CAPN9: variants seen among roughly 807,000 people sequenced by gnomAD.
CAPN9 encodes the protein calpain 9.
In CAPN9, 81 loss-of-function variants were observed where a neutral mutation model predicts 92.8. The observed-to-expected ratio is 0.87, with a 90% CI of 0.73 to 1.05. The LOEUF (loss-of-function observed/expected upper bound fraction) is 1.05, where lower values mean the gene tolerates loss of function less well. CAPN9 is among the 50% of genes least tolerant of loss of function. CAPN9 has a pLI of 0.00. For missense variants in CAPN9, 848 were observed against 866.2 expected, an observed-to-expected ratio of 0.98 and a Z score of 0.26; for synonymous variants, 304 against 328.0, an observed-to-expected ratio of 0.93 and a Z score of 0.79.
intron 18 of CAPN9, among the ~76,000 whole-genome samples, chr1:230,797,412 C>T (rs965226106): frequency 3.3e-5 from 5 of 152,142 alleles, no homozygotes; most frequent in Admixed American, 6.5e-5. Flanking sequence ...CTCTAGTGCC[C>T]GGTTCATGCC....
Position 230,801,621 on chromosome 1 carries a change from G to T in CAPN9, c.*25G>T. 2 of 1,608,248 alleles carry T rather than the reference G, an allele frequency of 1.2e-6. No homozygotes were observed. The highest frequency in any genetic ancestry group is 1.7e-6 in the Non-Finnish European group (2 of 1,174,664). ...AGGCTGCCTTGTAGAGATGCAGCCT[G>T]CCCAGCTGAATCTTGGCTTCTGGAC... On this transcript the variant is annotated 3_prime_UTR_variant, in exon 20 of 20. Transcript: ENST00000271971.
rs377396940 is a variant in CAPN9 at position 230,778,800 on chromosome 1, C to T, written c.954-173C>T. ...TTAGCCTGGTTTTTACCTTTTTAAC[C>T]TTTATTTTACTTTTAAAAAATTTTC... On this transcript the variant is annotated intron_variant, in intron 8 of 19. Coordinates refer to ENST00000271971, the MANE Select transcript of CAPN9 (RefSeq NM_006615.3). Among the ~76,000 whole-genome samples the T allele has an allele frequency of 7.9e-5, 12 of 152,286 alleles. No homozygotes were observed. The South Asian group carries it at 2.5e-3, about 32-fold the overall frequency.
At chr1:230,769,542 T>C (rs1666240342) in intron 6 of CAPN9, among the ~76,000 whole-genome samples, 1 of 152,244 alleles carries the variant, frequency 6.6e-6, no homozygotes, top group Non-Finnish European at 1.5e-5. Context: ...CAGTCCTGTG[T>C]TAGTCAGGAT....
chr1:230,795,950 G>T (rs1428902348), intron 18 of CAPN9, among the ~76,000 whole-genome samples: 1 of 151,510 alleles, frequency 6.6e-6, no homozygotes, highest in Non-Finnish European at 1.5e-5. Context: ...GGAGCAGGGG[G>T]CCCCGCATTT....
At chr1:230,770,281 G>A (rs1179744196) in intron 6 of CAPN9, among the ~76,000 whole-genome samples, 1 of 152,208 alleles carries the variant, frequency 6.6e-6, no homozygotes, top group East Asian at 1.9e-4. Context: ...GGGCAGGAGA[G>A]ACGGATGTCC....
At chr1:230,793,223 A>G (rs1572092209) in intron 17 of CAPN9, among the ~76,000 whole-genome samples, 1 of 152,202 alleles carries the variant, frequency 6.6e-6, no homozygotes, top group Non-Finnish European at 1.5e-5. Context: ...GCCTCTGACC[A>G]TGTTTTCTGG....
intron 6 of CAPN9, among the ~76,000 whole-genome samples, chr1:230,770,613 A>G (rs1657629984): frequency 6.6e-6 from 1 of 152,170 alleles, no homozygotes; most frequent in Non-Finnish European, 1.5e-5. Context: ...CCCTGACTTC[A>G]AGGGAGCTGT....
intron 9 of CAPN9, among the ~76,000 whole-genome samples, chr1:230,779,737 A>G (rs187729231): frequency 6.7e-4 from 102 of 152,328 alleles, no homozygotes; most frequent in African/African-American, 2.3e-3. Flanking sequence ...GGCACAGACC[A>G]ATCAGAATTC....
At chr1:230,795,771 G>A (rs1351133370) in intron 18 of CAPN9, among the ~76,000 whole-genome samples, 2 of 152,132 alleles carry the variant, frequency 1.3e-5, no homozygotes, top group African/African-American at 4.8e-5. Flanking sequence ...CCTCAAAGGT[G>A]GTTTTGAAGG....
intron 17 of CAPN9, among the ~76,000 whole-genome samples, chr1:230,794,313 C>T (rs1438031739): frequency 6.6e-6 from 1 of 151,992 alleles, no homozygotes; most frequent in Non-Finnish European, 1.5e-5. Flanking sequence ...GAAACCCCGC[C>T]TCTACTAAAA....
At position 230,774,714 on chromosome 1, in the gene CAPN9, C is replaced by A. The variant is rs1177844872; in HGVS notation, c.953+83C>A. ...CGTAAGGAGCACTGTGCTTCTCTCT[C>A]GCTTTCCTTTTTCTTTCTTTCTTTC... On this transcript the variant is annotated intron_variant, in intron 8 of 19. Coordinates refer to ENST00000271971, the MANE Select transcript of CAPN9 (RefSeq NM_006615.3). The A allele has an allele frequency of 1.0e-5, 8 of 796,116 alleles. No individual in the cohort carries two copies. In the African/African-American group the frequency reaches 1.1e-4, roughly 11 times the overall value. The allele number at this position is 796,116 out of a possible 1,614,324, so 49.3% of individuals were successfully genotyped here. A position where few individuals can be genotyped will look rare whatever the true frequency, so the allele number is the denominator to read the frequency against.
chr1:230,760,758 G>A (rs895048933), intron 3 of CAPN9, among the ~76,000 whole-genome samples: 11 of 151,978 alleles, frequency 7.2e-5, no homozygotes, highest in African/African-American at 2.4e-4. Context: ...GTTTGATGGC[G>A]CCCCCAGGAG....
intron 7 of CAPN9, among the ~76,000 whole-genome samples, chr1:230,774,336 A>G (rs1374308065): frequency 6.6e-6 from 1 of 152,228 alleles, no homozygotes; most frequent in Non-Finnish European, 1.5e-5. Flanking sequence ...TATTTTATCC[A>G]TCAGCAACAC....
chr1:230,774,523 C>G, intron 7 of CAPN9, 31 bp from the exon 8 acceptor site: 1 of 1,500,570 alleles, frequency 6.7e-7, no homozygotes, highest in Non-Finnish European at 9.3e-7. Context: ...ATCATGACCT[C>G]TGCCTGAACA....
chr1:230,758,151 T>C (rs1373435132), intron 2 of CAPN9, among the ~76,000 whole-genome samples: 1 of 152,026 alleles, frequency 6.6e-6, no homozygotes, highest in Admixed American at 6.6e-5. Context: ...ACACGTGAGG[T>C]GTTGAGTTCT....
intron 4 of CAPN9, among the ~76,000 whole-genome samples, chr1:230,764,760 G>A (rs932534955): frequency 1.1e-4 from 17 of 152,222 alleles, no homozygotes; most frequent in Non-Finnish European, 5.9e-5. Context: ...GGCGGGAGCC[G>A]AGTTTCTCAC....
In CAPN9 at chr1:230,765,607, C is replaced by T. The variant is rs909396075; in HGVS notation, c.537-1934C>T. 3.2e-4 allele frequency among the ~76,000 whole-genome samples: 49 copies of T among 152,022 alleles called. 1 individual carries two copies. Among genetic ancestry groups the T allele is most frequent in the Admixed American group, 2.4e-3 (37 of 15,260 alleles). On this transcript the variant is annotated intron_variant, in intron 4 of 19. Coordinates refer to ENST00000271971, the MANE Select transcript of CAPN9 (RefSeq NM_006615.3). ...CCAGGAGGTAGAGGTTGCAGTAAGC[C>T]GAGATCATGCCACTGCACTCCAGCC...
intron 3 of CAPN9, among the ~76,000 whole-genome samples, chr1:230,761,068 G>A (rs1326829771): frequency 6.6e-6 from 1 of 152,152 alleles, no homozygotes; most frequent in Non-Finnish European, 1.5e-5. Flanking sequence ...AAAACAATAA[G>A]TAGCCAAGCC....
intron 9 of CAPN9, among the ~76,000 whole-genome samples, 170 bp downstream of exon 9, chr1:230,779,303 G>A (rs1445413808): frequency 6.6e-6 from 1 of 152,176 alleles, no homozygotes; most frequent in Non-Finnish European, 1.5e-5. Context: ...ATTGTTTGGG[G>A]AAACCTCCTT....
Sources: gnomAD v4.1 joint callset for allele counts (sites outside exome capture counted in the v4.1 genomes callset) on GRCh38, gnomAD v4.1.1 for gene constraint, MANE v1.5 for transcripts, NCBI Gene and HGNC (gene_info 2026-07-23, HGNC 2026-07-21) for gene names.